Variants in GRAMD2A observed in about 807,000 individuals in gnomAD.
GRAMD2A encodes the protein GRAM domain containing 2A.
GRAMD2A carries 37 observed loss-of-function variants against 51.1 expected under a neutral mutation model. The ratio of observed to expected loss-of-function variants is 0.72; its 90% CI spans 0.56 to 0.95. The LOEUF is 0.95. Ranked by LOEUF, GRAMD2A falls within the 40% of genes least tolerant of loss-of-function variation. GRAMD2A has a pLI of 0.00. For synonymous variants in GRAMD2A, 136 were observed against 157.1 expected, an observed-to-expected ratio of 0.87 and a Z score of 1.01; for missense variants, 414 against 426.9, an observed-to-expected ratio of 0.97 and a Z score of 0.27.
intron 1 of GRAMD2A, among the ~76,000 whole-genome samples, chr15:72,177,957 A>C (rs994190280): frequency 6.6e-6 from 1 of 152,144 alleles, no homozygotes; most frequent in African/African-American, 2.4e-5. Flanking sequence ...TGAACCCCTC[A>C]CTTCAAGTGA....
intron 1 of GRAMD2A, among the ~76,000 whole-genome samples, chr15:72,174,191 A>G (rs2081635146): frequency 6.6e-6 from 1 of 152,160 alleles, no homozygotes; most frequent in Non-Finnish European, 1.5e-5. Context: ...AAATAAAGAA[A>G]TGGGAGTAGT....
At position 72,197,761 on chromosome 15, in the gene GRAMD2A, A is replaced by G; in HGVS notation, c.11T>C (p.Leu4Ser). Residue 4 changes from leucine to serine, a missense_variant, in exon 1 of 12, where the codon TTA becomes TCA. Leu to Ser is a moderately radical substitution (Grantham distance 145). Coordinates refer to ENST00000309731, the MANE Select transcript of GRAMD2A (RefSeq NM_001012642.3). ...CTCCTCGGTGGCCTCGCTCCGGCTT[A>G]AAGCGGTCATCCCGGCGCCTGCACC... MTALSRSEATEEGG... is the reference protein window; with the variant it reads MTASSRSEATEEGG... 7.6e-7 allele frequency: 1 copy of G among 1,323,226 alleles called. No homozygotes were observed. The highest frequency in any genetic ancestry group is 9.7e-7 in the Non-Finnish European group (1 of 1,029,058). 82.0% of individuals were successfully genotyped at this position (1,323,226 alleles called of 1,614,324 possible). A position where few individuals can be genotyped will look rare whatever the true frequency, so the allele number is the denominator to read the frequency against.
In GRAMD2A at chr15:72,166,975, A is replaced by G. The variant is rs943460084; in HGVS notation, c.471+19T>C. On this transcript the variant is annotated intron_variant, in intron 6 of 11. Transcript: ENST00000309731. The surrounding 1 kb of genome is among the most constrained non-coding windows in gnomAD (Gnocchi z 4.1). ...GGGAGCGGGAGACTGACAAGGGAGC[A>G]TGGGCCCAGTGCACTGACCTTCTGG... 3.2e-6 allele frequency: 5 copies of G among 1,576,892 alleles called. No individual in the cohort carries two copies. The African/African-American group carries it at 5.4e-5, about 17-fold the overall frequency.
chr15:72,189,090 T>C (rs1221340458), intron 1 of GRAMD2A, among the ~76,000 whole-genome samples: 2 of 152,268 alleles, frequency 1.3e-5, no homozygotes, highest in East Asian at 1.9e-4. Context: ...ATAATTAGAA[T>C]AAACATACTA....
chr15:72,178,728 C>T (rs1266482980), intron 1 of GRAMD2A, among the ~76,000 whole-genome samples: 1 of 151,782 alleles, frequency 6.6e-6, no homozygotes, highest in Non-Finnish European at 1.5e-5. Context: ...GCGCCCGCCA[C>T]CACGCCCGGC....
At chr15:72,195,652 G>A (rs1198547798) in intron 1 of GRAMD2A, among the ~76,000 whole-genome samples, 1 of 152,214 alleles carries the variant, frequency 6.6e-6, no homozygotes, top group African/African-American at 2.4e-5. Context: ...AGGTGCAGTG[G>A]CTCACACCTG....
intron 1 of GRAMD2A, among the ~76,000 whole-genome samples, chr15:72,193,898 C>T (rs1031504483): frequency 3.9e-5 from 6 of 152,284 alleles, no homozygotes; most frequent in Non-Finnish European, 7.4e-5. Flanking sequence ...CCTACAGTGG[C>T]TTATATCCCT....
chr15:72,182,676 A>G (rs1039157107), intron 1 of GRAMD2A, among the ~76,000 whole-genome samples: 1 of 152,226 alleles, frequency 6.6e-6, no homozygotes, highest in Admixed American at 6.5e-5. Flanking sequence ...CATTATGTTA[A>G]GTGAAATAAG....
Position 72,169,933 on chromosome 15 carries a change from T to C in GRAMD2A, c.48A>G (p.Gln16=). The stretch of plus-strand genomic sequence containing the variant: ...GAGAAGCTGTCTTTCTGTGCATTTG[T>C]TGGTTGCTAGGGAAAAACAGGCCCA... ...RSEATEEGGN[Q]QMHRKTASLN... The change falls in exon 2 of 12, where the codon CAA becomes CAG. Residue 16 remains glutamine, a synonymous_variant. Coordinates refer to ENST00000309731, the MANE Select transcript of GRAMD2A (RefSeq NM_001012642.3). 1 of 1,613,970 alleles carries C rather than the reference T, an allele frequency of 6.2e-7. No individual in the cohort carries two copies. Among genetic ancestry groups the C allele is most frequent in the Non-Finnish European group, 8.5e-7 (1 of 1,179,836 alleles).
chr15:72,162,135 G>T, intron 11 of GRAMD2A, 123 bp from the exon 12 acceptor site: 1 of 1,371,506 alleles, frequency 7.3e-7, no homozygotes, highest in Non-Finnish European at 1.0e-6. Context: ...GGTGTACCCT[G>T]CACGCTGCCC....
Position 72,162,289 on chromosome 15 carries a change from G to T in GRAMD2A, c.1045C>A (p.Pro349Thr). ...AGGCCTCACCTGTGCCCAGGGACTG[G>T]GTCATCCCAACTCAAGGAGCATAAC... Reference protein sequence around the residue: ...QQLCSLSWDDPVPGHR With the variant: ...QQLCSLSWDDTVPGHR Residue 349 changes from proline (P) to threonine (T), a missense_variant, in exon 11 of 12, where the codon CCA (proline) becomes ACA (threonine). Pro to Thr is a conservative substitution (Grantham distance 38, BLOSUM62 -1). Coordinates refer to ENST00000309731, the MANE Select transcript of GRAMD2A (RefSeq NM_001012642.3). The T allele has an allele frequency of 6.2e-7, 1 of 1,612,996 alleles. No homozygotes were observed. Among genetic ancestry groups the T allele is most frequent in the South Asian group, 1.1e-5 (1 of 91,052 alleles).
intron 1 of GRAMD2A, among the ~76,000 whole-genome samples, chr15:72,181,700 T>A (rs2081698331): frequency 6.6e-6 from 1 of 152,242 alleles, no homozygotes; most frequent in Admixed American, 6.5e-5. Context: ...GATAGTGGGC[T>A]CTTTTGCTGA....
At position 72,167,033 on chromosome 15, in the gene GRAMD2A, A is replaced by T; in HGVS notation, c.432T>A (p.Leu144=). The change falls in exon 6 of 12, where the codon CTT becomes CTA. Residue 144 remains leucine, a synonymous_variant. Coordinates refer to ENST00000309731, the MANE Select transcript of GRAMD2A (RefSeq NM_001012642.3). ...TGGTGGTGATGGCCAGTCCATTGGG[A>T]AGGAGCCGTGCCATCTTGTGTTTTT... is the stretch of plus-strand genomic sequence containing the variant. ...MIKKHKMARL[L]PNGLAITTNT... 1 of 1,614,010 alleles carries T rather than the reference A, an allele frequency of 6.2e-7. No homozygotes were observed. Among genetic ancestry groups the T allele is most frequent in the Non-Finnish European group, 8.5e-7 (1 of 1,179,958 alleles).
At chr15:72,188,493 CTT>C (rs2081748384) in intron 1 of GRAMD2A, among the ~76,000 whole-genome samples, 1 of 152,004 alleles carries the variant, frequency 6.6e-6, no homozygotes, top group Non-Finnish European at 1.5e-5. Context: ...TTTATTAAAA[CTT>C]ATTAAAAAGT....
chr15:72,166,826 G>T lies in GRAMD2A; in HGVS notation c.472-123C>A. On this transcript the variant is annotated intron_variant, in intron 6 of 11. Transcript: ENST00000309731. The surrounding 1 kb of genome is among the most constrained non-coding windows in gnomAD (Gnocchi z 4.1). The stretch of plus-strand genomic sequence containing the variant: ...TATCAGGCCATGAGAGCCAACAGAA[G>T]CTCTGCCTAGGAACTTCTCTTCCAG... 1.0e-6 allele frequency: 1 copy of T among 970,618 alleles called. No homozygotes were observed. The highest frequency in any genetic ancestry group is 1.6e-6 in the Non-Finnish European group (1 of 614,838). 60.1% of individuals were successfully genotyped at this position (970,618 alleles called of 1,614,324 possible). A position where few individuals can be genotyped will look rare whatever the true frequency, so the allele number is the denominator to read the frequency against.
At position 72,168,485 on chromosome 15, in the gene GRAMD2A, G is replaced by A. The variant is rs2081572964; in HGVS notation, c.268+6C>T. The A allele has an allele frequency of 1.9e-6, 3 of 1,610,444 alleles. No homozygotes were observed. The highest frequency in any genetic ancestry group is 4.5e-5 in the East Asian group (2 of 44,868). On this transcript the variant is annotated splice_donor_region_variant and intron_variant, in intron 4 of 11. Coordinates refer to ENST00000309731, the MANE Select transcript of GRAMD2A (RefSeq NM_001012642.3). ...GCCTAACCAGCTATACCGGGAGACA[G>A]CTCACCTTTGAGAACCACTTCCTCC...
chr15:72,187,211 T>C (rs1342801327), intron 1 of GRAMD2A, among the ~76,000 whole-genome samples: 1 of 147,814 alleles, frequency 6.8e-6, no homozygotes, highest in African/African-American at 2.5e-5. Context: ...TATGATATAA[T>C]CTATAACATA....
At chr15:72,178,973 G>C (rs531148985) in intron 1 of GRAMD2A, among the ~76,000 whole-genome samples, 1 of 152,308 alleles carries the variant, frequency 6.6e-6, no homozygotes, top group Non-Finnish European at 1.5e-5. Flanking sequence ...ACTGGAGGAG[G>C]GGAGAAAAAT....
At chr15:72,167,179 C>A in intron 5 of GRAMD2A, 87 bp from the exon 6 acceptor site, 1 of 953,236 alleles carries the variant, frequency 1.0e-6, no homozygotes. Flanking sequence ...GCTGTGAGCC[C>A]AGCATGGCCA....
Sources: allele counts gnomAD v4.1 joint callset (sites outside exome capture counted in the v4.1 genomes callset), GRCh38; gene constraint gnomAD v4.1.1; non-coding constraint Gnocchi (gnomAD v3.1); transcripts MANE v1.5; gene names NCBI Gene and HGNC (gene_info 2026-07-23, HGNC 2026-07-21).